Variants in NALF1 observed in about 807,000 individuals in gnomAD.
NALF1 encodes family with sequence similarity 155 member A.
In NALF1, 3 loss-of-function variants were observed where a neutral mutation model predicts 48.4. The ratio of observed to expected loss-of-function variants is 0.06; its 90% CI spans 0.03 to 0.16. The LOEUF is 0.16. NALF1 is among the 10% of genes least tolerant of loss of function. The pLI is 1.00. For missense variants in NALF1, 526 were observed against 571.5 expected, an observed-to-expected ratio of 0.92 and a Z score of 0.81; for synonymous variants, 262 against 245.7, an observed-to-expected ratio of 1.07 and a Z score of -0.62.
At chr13:107,613,700 A>C (rs1015960296) in intron 1 of NALF1, among the ~76,000 whole-genome samples, 2 of 152,224 alleles carry the variant, frequency 1.3e-5, no homozygotes, top group African/African-American at 2.4e-5. Context: ...TACTGCATCA[A>C]GTTATTTCAG....
chr13:107,212,382 T>A lies in NALF1; in HGVS notation c.916-1627A>T, dbSNP rs141445194. On this transcript the variant is annotated intron_variant, in intron 1 of 2. Coordinates refer to ENST00000375915, the MANE Select transcript of NALF1 (RefSeq NM_001080396.3). ...TAGGTCTTTTGAATGAGTCTTCTCG[T>A]AACAGTGTACACTGAAAAACTGCAC... Among the ~76,000 whole-genome samples, 982 of 152,346 alleles carry A rather than the reference T, an allele frequency of 6.4e-3. 9 individuals carry two copies. The highest frequency in any genetic ancestry group is 0.022 in the African/African-American group (923 of 41,580).
At chr13:107,543,899 ATGG>A (rs1877065305) in intron 1 of NALF1, among the ~76,000 whole-genome samples, 3 of 152,012 alleles carry the variant, frequency 2.0e-5, no homozygotes, top group South Asian at 4.1e-4. Flanking sequence ...TAGAAATGAA[ATGG>A]TGGAAATATA....
At chr13:107,335,927 A>T (rs1048874949) in intron 1 of NALF1, among the ~76,000 whole-genome samples, 2 of 150,680 alleles carry the variant, frequency 1.3e-5, no homozygotes, top group Admixed American at 6.6e-5. Flanking sequence ...CCAAATATTA[A>T]TTTTTTTTTT....
intron 1 of NALF1, among the ~76,000 whole-genome samples, chr13:107,320,379 T>C (rs1192205927): frequency 6.6e-6 from 1 of 152,094 alleles, no homozygotes; most frequent in African/African-American, 2.4e-5. Flanking sequence ...AACAAAATCA[T>C]CTTCTTTTGA....
Position 107,166,279 on chromosome 13 carries a change from C to G in NALF1, c.*4218G>C, listed in dbSNP as rs1286621529. On this transcript the variant is annotated 3_prime_UTR_variant, in exon 3 of 3. Transcript: ENST00000375915. ...ACTAAAAATACACAAATTAGCCAGG[C>G]GTGGTGGCACAAGCCTGTAGTCCCA... is the stretch of plus-strand genomic sequence containing the variant. The G allele has an allele frequency of 2.0e-5, 3 of 152,118 alleles. No individual in the cohort carries two copies. Among genetic ancestry groups the G allele is most frequent in the Non-Finnish European group, 2.9e-5 (2 of 68,076 alleles). 9.4% of individuals were successfully genotyped at this position (152,118 alleles called of 1,614,324 possible).
At chr13:107,441,837 G>A (rs1884564873) in intron 1 of NALF1, among the ~76,000 whole-genome samples, 1 of 152,132 alleles carries the variant, frequency 6.6e-6, no homozygotes, top group Non-Finnish European at 1.5e-5. Context: ...GACTCCTTTT[G>A]GTGGAGCACA....
intron 1 of NALF1, among the ~76,000 whole-genome samples, chr13:107,769,382 C>T (rs577319899): frequency 0.018 from 2,623 of 147,184 alleles, 24 homozygotes; most frequent in Non-Finnish European, 0.027. Context: ...GAGTTCATGT[C>T]CTTTGTAGGG....
intron 2 of NALF1, among the ~76,000 whole-genome samples, chr13:107,173,760 C>T (rs1195850973): frequency 6.6e-6 from 1 of 152,152 alleles, no homozygotes; most frequent in Non-Finnish European, 1.5e-5. Flanking sequence ...TGTGTTTATT[C>T]TACCTCATAT....
At chr13:107,644,048 C>T (rs1386647708) in intron 1 of NALF1, among the ~76,000 whole-genome samples, 1 of 139,828 alleles carries the variant, frequency 7.2e-6, no homozygotes, top group Admixed American at 7.2e-5. Flanking sequence ...ATTTACATGA[C>T]TTATTTTTGA....
rs1436085846 is a variant in NALF1, at chr13:107,446,462, C to T, written c.916-235707G>A. On this transcript the variant is annotated intron_variant, in intron 1 of 2. Coordinates refer to ENST00000375915, the MANE Select transcript of NALF1 (RefSeq NM_001080396.3). ...ATTTTTACTAAATTGGAATTACACC[C>T]TGTATGATACTGTGCTCGTTACTTT... 2.0e-5 allele frequency among the ~76,000 whole-genome samples: 3 copies of T among 151,840 alleles called. No individual in the cohort carries two copies. The East Asian group carries it at 5.8e-4, about 29-fold the overall frequency.
chr13:107,672,530 T>C (rs1424481492), intron 1 of NALF1, among the ~76,000 whole-genome samples: 2 of 152,120 alleles, frequency 1.3e-5, no homozygotes, highest in East Asian at 3.9e-4. Context: ...TCAGAGAAGA[T>C]ACTGGGCGAG....
At chr13:107,575,240 A>G (rs1878105184) in intron 1 of NALF1, among the ~76,000 whole-genome samples, 1 of 152,166 alleles carries the variant, frequency 6.6e-6, no homozygotes, top group African/African-American at 2.4e-5. Context: ...GGTAGAGTTC[A>G]GGGGAAAAAA....
chr13:107,364,998 C>T (rs1594138507), intron 1 of NALF1, among the ~76,000 whole-genome samples: 1 of 94,422 alleles, frequency 1.1e-5, no homozygotes, highest in Admixed American at 1.1e-4. Flanking sequence ...TCCCCCTCCC[C>T]TCCTCTTCCT....
intron 1 of NALF1, among the ~76,000 whole-genome samples, chr13:107,354,306 G>A (rs1882924877): frequency 6.6e-6 from 1 of 152,098 alleles, no homozygotes; most frequent in African/African-American, 2.4e-5. Flanking sequence ...GTGAGAGGTG[G>A]TATTGGGGAC....
intron 1 of NALF1, among the ~76,000 whole-genome samples, chr13:107,666,330 C>T (rs1019068284): frequency 3.9e-5 from 6 of 152,068 alleles, no homozygotes; most frequent in African/African-American, 1.4e-4. Flanking sequence ...TGAAACATTG[C>T]CACCTCTCGG....
intron 1 of NALF1, among the ~76,000 whole-genome samples, chr13:107,680,033 G>A (rs1346627009): frequency 6.6e-6 from 1 of 152,116 alleles, no homozygotes; most frequent in Non-Finnish European, 1.5e-5. Flanking sequence ...CCATCAGAAG[G>A]GGTGGGAGAC....
intron 1 of NALF1, among the ~76,000 whole-genome samples, chr13:107,620,381 A>G (rs1879488430): frequency 6.6e-6 from 1 of 152,234 alleles, no homozygotes. Context: ...GGAGTGATAC[A>G]GGAAAATCTT....
At chr13:107,243,487 G>A (rs1880518637) in intron 1 of NALF1, among the ~76,000 whole-genome samples, 1 of 152,100 alleles carries the variant, frequency 6.6e-6, no homozygotes, top group Non-Finnish European at 1.5e-5. Flanking sequence ...CTTGATTCCT[G>A]CCTGTCCCCA....
At chr13:107,218,831 A>G (rs1879932538) in intron 1 of NALF1, among the ~76,000 whole-genome samples, 2 of 152,194 alleles carry the variant, frequency 1.3e-5, no homozygotes, top group Admixed American at 6.5e-5. Flanking sequence ...TTCAGAGGGC[A>G]AAGTATATTT....
Sources: gnomAD v4.1 joint callset for allele counts (sites outside exome capture counted in the v4.1 genomes callset) on GRCh38, gnomAD v4.1.1 for gene constraint, MANE v1.5 for transcripts, NCBI Gene and HGNC (gene_info 2026-07-23, HGNC 2026-07-21) for gene names.